COG3: variants seen among roughly 807,000 people sequenced by gnomAD.
The protein encoded by COG3 is conserved oligomeric Golgi complex subunit 3.
Under a neutral mutation model 114.1 loss-of-function variants are expected in COG3, and 32 were observed. The observed-to-expected ratio is 0.28, with a 90% CI of 0.21 to 0.38. The LOEUF is 0.38. COG3 is among the 10% of genes least tolerant of loss of function. The pLI, the probability that COG3 is intolerant of heterozygous loss-of-function variation, is 1.00. For synonymous variants in COG3, 352 were observed against 365.7 expected (o/e 0.96, Z 0.43); for missense variants, 813 against 973.2 (o/e 0.84, Z 2.19).
chr13:45,520,546 C>G lies in COG3; in HGVS notation c.2154+1452C>G, dbSNP rs1421937332. Among the ~76,000 whole-genome samples, 3 of 152,148 alleles carry G rather than the reference C, an allele frequency of 2.0e-5. No individual in the cohort carries two copies. In the East Asian group the frequency reaches 5.8e-4, roughly 29 times the overall value. On this transcript the variant is annotated intron_variant, in intron 19 of 22. Transcript: ENST00000349995. ...TGTTGGATCCATCAACGCTAATATG[C>G]CTGAAGCCTGTGGTAAAGACAGAAA...
intron 5 of COG3, 31 bp from the exon 6 acceptor site, chr13:45,482,350 G>C (rs1886299948): frequency 3.6e-6 from 4 of 1,126,174 alleles, no homozygotes; most frequent in Non-Finnish European, 5.3e-6. Flanking sequence ...CATTTTTTAT[G>C]AATTAAGATT....
rs144283332 is a variant in COG3, at chr13:45,492,183, G to T, written c.1120G>T (p.Val374Phe). 3.6e-5 allele frequency: 58 copies of T among 1,610,424 alleles called. No homozygotes were observed. Among genetic ancestry groups the T allele is most frequent in the Non-Finnish European group, 4.8e-5 (57 of 1,178,314 alleles). Residue 374 changes from valine (V) to phenylalanine (F), a missense_variant, in exon 11 of 23, where the codon GTT becomes TTT. By Grantham distance (50) the Val-to-Phe change is conservative. This residue lies in a region of COG3 where 389 missense variants were observed against 542.6 expected (regional missense o/e 0.72). Transcript: ENST00000349995. ...GGTTCGTAGTGGCTGTGCCTTCATG[G>T]TTCATGTCTGCCAGGATGAACACCA... ...ALVRSGCAFMVHVCQDEHQLY... is the reference protein window; with the variant it reads ...ALVRSGCAFMFHVCQDEHQLY...
chr13:45,465,024 G>C lies in COG3; in HGVS notation c.-13G>C. 1 of 1,558,240 alleles carries C rather than the reference G, an allele frequency of 6.4e-7. No individual in the cohort carries two copies. The highest frequency in any genetic ancestry group is 8.7e-7 in the Non-Finnish European group (1 of 1,153,294). On this transcript the variant is annotated 5_prime_UTR_variant, in exon 1 of 23. Transcript: ENST00000349995. ...CCATCTCGCTGCTGCTGAAGGCCGC[G>C]AGGGCGGCGGCGATGGCGGAGGCGG...
At position 45,511,801 on chromosome 13, in the gene COG3, T is replaced by C. The variant is rs1369273810; in HGVS notation, c.1756T>C (p.Ser586Pro). The change falls in exon 16 of 23, where the codon TCT becomes CCT. Residue 586 changes from serine (S) to proline (P), a missense_variant. Ser to Pro is a moderately conservative substitution (Grantham distance 74, BLOSUM62 -1). Coordinates refer to ENST00000349995, the MANE Select transcript of COG3 (RefSeq NM_031431.4). ...VFQGLSQEAL[S>P]ACIQSLLGAS... ...CCAAGGATTATCACAGGAAGCATTG[T>C]CTGCCTGCATTCAGTCCTTACTTGG... is the stretch of plus-strand genomic sequence containing the variant. 1.2e-6 allele frequency: 2 copies of C among 1,613,990 alleles called. No individual in the cohort carries two copies. Among genetic ancestry groups the C allele is most frequent in the African/African-American group, 1.3e-5 (1 of 74,932 alleles).
rs1870709304 is a variant in COG3 at position 45,510,212 on chromosome 13, A to G, written c.1719+396A>G. 2.0e-5 allele frequency among the ~76,000 whole-genome samples: 3 copies of G among 152,338 alleles called. No individual in the cohort carries two copies. The South Asian group carries it at 6.2e-4, about 32-fold the overall frequency. On this transcript the variant is annotated intron_variant, in intron 15 of 22. Transcript: ENST00000349995. ...ATGCATTTACCCTTACACCGCAGAG[A>G]TATTTTATATTGTAGGACTGCACAG...
chr13:45,482,200 C>A (rs951000864), intron 5 of COG3, among the ~76,000 whole-genome samples, 181 bp from the exon 6 acceptor site: 18 of 152,028 alleles, frequency 1.2e-4, no homozygotes, highest in African/African-American at 4.3e-4. Context: ...TATGCTTTTT[C>A]TGTTTGTCCC....
chr13:45,499,129 A>C (rs1869184549), intron 13 of COG3, among the ~76,000 whole-genome samples: 1 of 151,912 alleles, frequency 6.6e-6, no homozygotes, highest in Admixed American at 6.6e-5. Flanking sequence ...AAATATCATG[A>C]GTTCATACTG....
chr13:45,524,094 AACATTAT>A (rs1370831620), intron 19 of COG3, among the ~76,000 whole-genome samples: 1 of 152,140 alleles, frequency 6.6e-6, no homozygotes, highest in African/African-American at 2.4e-5. Flanking sequence ...GATCCAAGTC[AACATTAT>A]ACCCTGTGTC....
At chr13:45,501,477 C>T (rs774766323) in intron 13 of COG3, among the ~76,000 whole-genome samples, 3 of 152,196 alleles carry the variant, frequency 2.0e-5, no homozygotes, top group Admixed American at 6.5e-5. Context: ...TCAGTTGGCT[C>T]CTATGTCCTT....
chr13:45,519,212 A>T, intron 19 of COG3, 118 bp downstream of exon 19: 1 of 1,112,352 alleles, frequency 9.0e-7, no homozygotes, highest in South Asian at 1.5e-5. Context: ...AGTCTTAATG[A>T]TTCTGTCTAG....
chr13:45,534,060 C>T (rs1210112586), intron 22 of COG3, among the ~76,000 whole-genome samples: 4 of 152,200 alleles, frequency 2.6e-5, no homozygotes, highest in Admixed American at 2.6e-4. Context: ...CTACTGTGAC[C>T]CGGCTCTGGT....
intron 20 of COG3, among the ~76,000 whole-genome samples, chr13:45,526,505 A>T (rs528257225): frequency 6.6e-6 from 1 of 152,292 alleles, no homozygotes; most frequent in East Asian, 1.9e-4. Context: ...TGTCTTTGAA[A>T]GGAAGATAGG....
chr13:45,498,095 T>G (rs994449919), intron 13 of COG3, among the ~76,000 whole-genome samples: 2 of 152,180 alleles, frequency 1.3e-5, no homozygotes, highest in African/African-American at 4.8e-5. Flanking sequence ...TATCTAGAAC[T>G]TATTTTTCAG....
Position 45,518,823 on chromosome 13 carries a change from C to T in COG3, c.1992C>T (p.Asn664=). 1 of 1,613,940 alleles carries T rather than the reference C, an allele frequency of 6.2e-7. No homozygotes were observed. Among genetic ancestry groups the T allele is most frequent in the Non-Finnish European group, 8.5e-7 (1 of 1,179,858 alleles). Residue 664 remains asparagine, a synonymous_variant, in exon 18 of 23, where the codon AAC becomes AAT. Coordinates refer to ENST00000349995, the MANE Select transcript of COG3 (RefSeq NM_031431.4). ...TVPRFFRLNS[N]NALIEFLLEG... is the part of the protein sequence containing the mutation. ...CAAGATTTTTTAGGCTGAATAGCAA[C>T]AATGCCTTGATAGAGTTCTTGTTGG...
At chr13:45,470,857 G>A (rs1885429109) in intron 1 of COG3, among the ~76,000 whole-genome samples, 1 of 152,170 alleles carries the variant, frequency 6.6e-6, no homozygotes, top group Non-Finnish European at 1.5e-5. Context: ...ACTTATGATG[G>A]TTCAGCTTAT....
chr13:45,476,786 T>C (rs1393915771), intron 2 of COG3, among the ~76,000 whole-genome samples: 1 of 152,250 alleles, frequency 6.6e-6, no homozygotes, highest in Non-Finnish European at 1.5e-5. Context: ...AATTTTTTCT[T>C]GGTTTTTGTT....
chr13:45,492,065 G>C lies in COG3; in HGVS notation c.1096-94G>C, dbSNP rs1593702303. On this transcript the variant is annotated intron_variant, in intron 10 of 22. Transcript: ENST00000349995. ...TAAGTTGTTTTAAGAGTGTGTATGT[G>C]TTATCTCTGCACATAAAGTGTAGGC... The C allele has an allele frequency of 9.5e-6, 7 of 737,494 alleles. No individual in the cohort carries two copies. In the East Asian group the frequency reaches 1.4e-4, roughly 15 times the overall value. The allele number at this position is 737,494 out of a possible 1,614,324, so 45.7% of individuals were successfully genotyped here.
intron 20 of COG3, among the ~76,000 whole-genome samples, chr13:45,527,463 A>T (rs1207135191): frequency 3.9e-5 from 6 of 152,280 alleles, no homozygotes; most frequent in Admixed American, 3.9e-4. Flanking sequence ...TAGTACTTGA[A>T]GCCCACACTT....
chr13:45,483,862 A>G (rs1363102961), intron 7 of COG3, among the ~76,000 whole-genome samples: 1 of 151,988 alleles, frequency 6.6e-6, no homozygotes. Context: ...CTAATGCTTG[A>G]TATTATATTA....
Sources: gnomAD v4.1 joint callset for allele counts (sites outside exome capture counted in the v4.1 genomes callset) on GRCh38, gnomAD v4.1.1 for gene constraint, gnomAD v4.1.1 regional missense constraint, MANE v1.5 for transcripts, NCBI Gene and HGNC (gene_info 2026-07-23, HGNC 2026-07-21) for gene names.